The following CNTN5 variants were observed in gnomAD, a reference collection of about 807,000 sequenced individuals.
The protein encoded by CNTN5 is contactin 5.
A neutral mutation model predicts 129.1 loss-of-function variants in CNTN5; 77 were observed. That is an observed-to-expected ratio of 0.60 (90% CI 0.50 to 0.72). The LOEUF (loss-of-function observed/expected upper bound fraction) is 0.72, where lower values mean the gene tolerates loss of function less well. CNTN5 is among the 30% of genes least tolerant of loss of function. The pLI, the probability that CNTN5 is intolerant of heterozygous loss-of-function variation, is 0.00. For synonymous variants in CNTN5, 509 were observed against 465.6 expected (o/e 1.09, Z -1.20); for missense variants, 1,478 against 1,328.8 (o/e 1.11, Z -1.75).
intron 1 of CNTN5, among the ~76,000 whole-genome samples, chr11:99,062,384 A>G (rs752758899): frequency 6.6e-6 from 1 of 152,116 alleles, no homozygotes; most frequent in African/African-American, 2.4e-5. Context: ...AAGCATTTCT[A>G]TGTATCAGCA....
At chr11:99,670,076 G>T (rs1037036572) in intron 3 of CNTN5, among the ~76,000 whole-genome samples, 13 of 152,014 alleles carry the variant, frequency 8.6e-5, no homozygotes, top group African/African-American at 3.1e-4. Flanking sequence ...AATGTCTTTG[G>T]TTCTTATTAT....
intron 2 of CNTN5, among the ~76,000 whole-genome samples, chr11:99,532,359 T>C (rs1352540701): frequency 6.6e-6 from 1 of 152,194 alleles, no homozygotes; most frequent in Non-Finnish European, 1.5e-5. Flanking sequence ...CTTTTGATTT[T>C]ACAGTCTCAT....
At chr11:100,287,706 G>T (rs1950830620) in intron 18 of CNTN5, among the ~76,000 whole-genome samples, 1 of 151,892 alleles carries the variant, frequency 6.6e-6, no homozygotes, top group African/African-American at 2.4e-5. Context: ...CAACTAATGA[G>T]CAAAATAACC....
intron 2 of CNTN5, among the ~76,000 whole-genome samples, chr11:99,379,655 A>G (rs1000558465): frequency 5.3e-5 from 8 of 152,222 alleles, no homozygotes; most frequent in African/African-American, 1.9e-4. Context: ...GTGGAAAGGT[A>G]GAAAAAAATA....
chr11:100,296,408 T>C (rs1014428902), intron 18 of CNTN5, among the ~76,000 whole-genome samples: 3 of 151,594 alleles, frequency 2.0e-5, no homozygotes, highest in Admixed American at 6.6e-5. Context: ...TCCAATTCCA[T>C]GCAATTCTGA....
intron 1 of CNTN5, among the ~76,000 whole-genome samples, chr11:99,266,925 A>G (rs994170130): frequency 3.9e-5 from 6 of 152,178 alleles, no homozygotes; most frequent in Admixed American, 2.6e-4. Flanking sequence ...AGTTAGTCCA[A>G]GTGCTCTGGC....
At chr11:99,294,271 A>G (rs533691488) in intron 1 of CNTN5, among the ~76,000 whole-genome samples, 1 of 152,314 alleles carries the variant, frequency 6.6e-6, no homozygotes, top group Non-Finnish European at 1.5e-5. Flanking sequence ...TACAAAATCT[A>G]AAGACACCAC....
At chr11:99,494,131 A>G (rs1430502555) in intron 2 of CNTN5, among the ~76,000 whole-genome samples, 1 of 152,214 alleles carries the variant, frequency 6.6e-6, no homozygotes, top group Non-Finnish European at 1.5e-5. Context: ...TTCATGTCAG[A>G]GCTTTCGAAT....
intron 1 of CNTN5, among the ~76,000 whole-genome samples, chr11:99,058,810 T>A: frequency 1.3e-5 from 2 of 151,686 alleles, no homozygotes; most frequent in Admixed American, 1.3e-4. Context: ...ATGGGCAAGG[T>A]CCCACAGAGC....
intron 1 of CNTN5, among the ~76,000 whole-genome samples, chr11:99,311,459 A>G (rs1865112677): frequency 6.6e-6 from 1 of 152,110 alleles, no homozygotes; most frequent in Non-Finnish European, 1.5e-5. Context: ...AATTTAGGAC[A>G]ATTTCCAGAG....
intron 8 of CNTN5, among the ~76,000 whole-genome samples, chr11:99,974,082 A>G (rs977278475): frequency 1.3e-5 from 2 of 152,216 alleles, no homozygotes; most frequent in African/African-American, 4.8e-5. Flanking sequence ...CAAGCTGCCT[A>G]AGTGGAAGGC....
chr11:99,073,524 T>G (rs1431243046), intron 1 of CNTN5, among the ~76,000 whole-genome samples: 1 of 151,896 alleles, frequency 6.6e-6, no homozygotes, highest in East Asian at 1.9e-4. Flanking sequence ...CATTAGGTAT[T>G]TGTCCTAATG....
chr11:99,958,080 C>T (rs1436662801), intron 8 of CNTN5, among the ~76,000 whole-genome samples: 1 of 151,734 alleles, frequency 6.6e-6, no homozygotes, highest in Non-Finnish European at 1.5e-5. Context: ...AGAAGAAAGC[C>T]AGTATTAAAG....
chr11:99,399,149 T>A (rs887223031), intron 2 of CNTN5, among the ~76,000 whole-genome samples: 1 of 81,600 alleles, frequency 1.2e-5, no homozygotes, highest in African/African-American at 4.8e-5. Flanking sequence ...ACATAAGCAT[T>A]TGTGGAATAA....
chr11:100,150,293 A>G (rs1947011164), intron 13 of CNTN5, among the ~76,000 whole-genome samples: 1 of 152,168 alleles, frequency 6.6e-6, no homozygotes, highest in Non-Finnish European at 1.5e-5. Flanking sequence ...GAGGCATTAG[A>G]CACATATATA....
intron 2 of CNTN5, among the ~76,000 whole-genome samples, chr11:99,419,176 C>T (rs1484223742): frequency 1.3e-5 from 2 of 152,128 alleles, no homozygotes; most frequent in Non-Finnish European, 2.9e-5. Flanking sequence ...GATCTTGCCA[C>T]CATCATCACC....
At chr11:100,330,503 G>T (rs1951883916) in intron 21 of CNTN5, among the ~76,000 whole-genome samples, 1 of 149,626 alleles carries the variant, frequency 6.7e-6, no homozygotes, top group African/African-American at 2.6e-5. Flanking sequence ...ATCACAAAAA[G>T]ATCATCACCT....
chr11:100,244,476 C>A (rs10791285), intron 16 of CNTN5, among the ~76,000 whole-genome samples: 36,787 of 151,992 alleles, frequency 0.24, 5,115 homozygotes, highest in East Asian at 0.63. Flanking sequence ...AGCTACTCAG[C>A]CTTCATCTTT....
In CNTN5 at chr11:99,756,628, A is replaced by G. The variant is rs1159047568; in HGVS notation, c.56-62916A>G. On this transcript the variant is annotated intron_variant, in intron 3 of 24. Transcript: ENST00000524871. ...CAGACTTGCTGTGGTAAGATCTTTG[A>G]ACATTTACAAAGATGCTTAGGTAAA... 2.0e-5 allele frequency among the ~76,000 whole-genome samples: 3 copies of G among 152,188 alleles called. No homozygotes were observed. The East Asian group carries it at 5.8e-4, about 29-fold the overall frequency.
Sources: gnomAD v4.1 joint callset for allele counts (sites outside exome capture counted in the v4.1 genomes callset) on GRCh38, gnomAD v4.1.1 for gene constraint, MANE v1.5 for transcripts, NCBI Gene and HGNC (gene_info 2026-07-23, HGNC 2026-07-21) for gene names.